MAGI2: variants seen among roughly 807,000 people sequenced by gnomAD.
MAGI2 encodes membrane associated guanylate kinase, WW and PDZ domain containing 2.
A neutral mutation model predicts 133.3 loss-of-function variants in MAGI2; 35 were observed. The observed-to-expected ratio is 0.26, with a 90% CI of 0.20 to 0.35. MAGI2 has a LOEUF of 0.35. MAGI2 is among the 10% of genes least tolerant of loss of function. The probability of loss-of-function intolerance (pLI) is 1.00; values close to 1 mark genes in which losing one functional copy is unlikely to be tolerated. For synonymous variants in MAGI2, 729 were observed against 710.6 expected (o/e 1.03, Z -0.41); for missense variants, 1,636 against 1,863.4 (o/e 0.88, Z 2.25).
chr7:79,137,450 G>GGTT (rs1554376799), intron 1 of MAGI2, among the ~76,000 whole-genome samples: 1 of 133,300 alleles, frequency 7.5e-6, no homozygotes, highest in Non-Finnish European at 1.6e-5. Context: ...GGTGTTTTTT[G>GGTT]TTTTTTTTTT....
intron 1 of MAGI2, among the ~76,000 whole-genome samples, chr7:79,261,096 C>T (rs1340982731): frequency 6.6e-6 from 1 of 152,172 alleles, no homozygotes; most frequent in Non-Finnish European, 1.5e-5. Context: ...TGTTTACATG[C>T]TATAACTCAA....
intron 3 of MAGI2, among the ~76,000 whole-genome samples, chr7:78,598,373 G>T (rs955490603): frequency 4.6e-5 from 7 of 152,068 alleles, no homozygotes; most frequent in African/African-American, 1.7e-4. Flanking sequence ...GGAGGAGATT[G>T]TAAGAGAGGA....
At chr7:79,360,737 T>C (rs10235466) in intron 1 of MAGI2, among the ~76,000 whole-genome samples, 4,586 of 151,992 alleles carry the variant, frequency 0.03, 222 homozygotes, top group African/African-American at 0.1. Flanking sequence ...ATAAATAAAT[T>C]GAGATTATAT....
intron 2 of MAGI2, among the ~76,000 whole-genome samples, chr7:78,641,640 T>A (rs1201355993): frequency 6.7e-6 from 1 of 149,506 alleles, no homozygotes; most frequent in Non-Finnish European, 1.5e-5. Context: ...GAGAGAAAAA[T>A]ATGACCATTT....
chr7:78,671,302 G>A (rs933554923), intron 2 of MAGI2, among the ~76,000 whole-genome samples: 7 of 147,042 alleles, frequency 4.8e-5, no homozygotes, highest in African/African-American at 1.8e-4. Flanking sequence ...TTTTAAGATA[G>A]CCAGTAACTT....
intron 2 of MAGI2, among the ~76,000 whole-genome samples, chr7:78,930,737 T>G (rs1263455450): frequency 6.6e-6 from 1 of 152,118 alleles, no homozygotes; most frequent in Non-Finnish European, 1.5e-5. Flanking sequence ...CAATTTTCTC[T>G]CATGATCTCT....
chr7:79,449,206 G>C (rs1849064448), intron 1 of MAGI2, among the ~76,000 whole-genome samples: 1 of 152,102 alleles, frequency 6.6e-6, no homozygotes, highest in African/African-American at 2.4e-5. Flanking sequence ...CAGTCAAGAA[G>C]AAAGTATGAC....
intron 2 of MAGI2, among the ~76,000 whole-genome samples, chr7:78,784,041 C>T (rs73137211): frequency 0.032 from 4,849 of 152,094 alleles, 116 homozygotes; most frequent in Non-Finnish European, 0.042. Flanking sequence ...ATACTAATTG[C>T]GTTGACATAG....
intron 1 of MAGI2, among the ~76,000 whole-genome samples, chr7:79,327,560 G>A (rs1839786435): frequency 6.6e-6 from 1 of 152,102 alleles, no homozygotes; most frequent in South Asian, 2.1e-4. Context: ...ACAGGATTAT[G>A]GTTACATAAT....
At chr7:78,409,220 G>C (rs1167771536) in intron 6 of MAGI2, among the ~76,000 whole-genome samples, 1 of 152,022 alleles carries the variant, frequency 6.6e-6, no homozygotes. Context: ...CTAGGACCCT[G>C]TGTCTTTTTT....
intron 6 of MAGI2, among the ~76,000 whole-genome samples, chr7:78,410,636 A>G (rs1371071831): frequency 6.6e-6 from 1 of 152,080 alleles, no homozygotes; most frequent in African/African-American, 2.4e-5. Flanking sequence ...ATCCATAATA[A>G]TTAAATGATG....
At chr7:79,216,964 CA>C (rs1456508313) in intron 1 of MAGI2, among the ~76,000 whole-genome samples, 6 of 152,028 alleles carry the variant, frequency 3.9e-5, no homozygotes, top group African/African-American at 1.5e-4. Flanking sequence ...AGCCAATATT[CA>C]TTTGTTAGAA....
chr7:78,836,832 T>C (rs1356237835), intron 2 of MAGI2, among the ~76,000 whole-genome samples: 1 of 152,298 alleles, frequency 6.6e-6, no homozygotes, highest in East Asian at 1.9e-4. Flanking sequence ...CCGATGCCCA[T>C]AAACTCAGCT....
At chr7:78,896,839 T>C (rs1355476451) in intron 2 of MAGI2, among the ~76,000 whole-genome samples, 3 of 152,180 alleles carry the variant, frequency 2.0e-5, no homozygotes, top group Non-Finnish European at 1.5e-5. Flanking sequence ...CACTTTAGTA[T>C]GAAAAGCTGT....
rs113594395 is a variant in MAGI2, at chr7:78,568,999, C to T, written c.539-47354G>A. On this transcript the variant is annotated intron_variant, in intron 3 of 21. Transcript: ENST00000354212. ...GTTTGCCCTAAATTCATTTTGCCCC[C>T]GACACCTGCTTGGTCACTCCTTCAC... Among the ~76,000 whole-genome samples, 1,200 of 152,034 alleles carry T rather than the reference C, an allele frequency of 7.9e-3. 14 individuals are homozygous for T. The highest frequency in any genetic ancestry group is 0.028 in the African/African-American group (1,147 of 41,442).
intron 1 of MAGI2, chr7:79,125,413 T>C (rs771041114): frequency 2.0e-5 from 10 of 492,756 alleles, no homozygotes; most frequent in Non-Finnish European, 3.6e-5. Context: ...TCATGGTGTC[T>C]TTGATGGGGA....
intron 2 of MAGI2, among the ~76,000 whole-genome samples, chr7:78,930,610 T>G (rs1241721654): frequency 6.6e-6 from 1 of 152,160 alleles, no homozygotes; most frequent in Admixed American, 6.6e-5. Flanking sequence ...AAGAGTACTT[T>G]AAAGATCTTA....
intron 1 of MAGI2, among the ~76,000 whole-genome samples, chr7:79,208,048 A>G (rs933173302): frequency 2.0e-5 from 3 of 152,036 alleles, no homozygotes; most frequent in Admixed American, 6.6e-5. Context: ...AAAATGGATT[A>G]AAGATTTACA....
At chr7:78,474,803 T>C (rs968612294) in intron 6 of MAGI2, among the ~76,000 whole-genome samples, 2 of 151,566 alleles carry the variant, frequency 1.3e-5, no homozygotes, top group Non-Finnish European at 2.9e-5. Flanking sequence ...ATATAGTGTA[T>C]ATATTATTTA....
Sources: gnomAD v4.1 joint callset for allele counts (sites outside exome capture counted in the v4.1 genomes callset) on GRCh38, gnomAD v4.1.1 for gene constraint, MANE v1.5 for transcripts, NCBI Gene and HGNC (gene_info 2026-07-23, HGNC 2026-07-21) for gene names.